The following DHX33 variants were observed in gnomAD, a reference collection of about 807,000 sequenced individuals.
DHX33 encodes the protein DEAH-box helicase 33.
In DHX33, 42 loss-of-function variants were observed where a neutral mutation model predicts 72.5. The ratio of observed to expected loss-of-function variants is 0.58; its 90% CI spans 0.45 to 0.75. DHX33 has a LOEUF of 0.75. Ranked by LOEUF, DHX33 falls within the 30% of genes least tolerant of loss-of-function variation. The pLI is 0.00. For synonymous variants in DHX33, 358 were observed against 366.1 expected, an observed-to-expected ratio of 0.98 and a Z score of 0.25; for missense variants, 842 against 917.5, an observed-to-expected ratio of 0.92 and a Z score of 1.06.
intron 11 of DHX33, among the ~76,000 whole-genome samples, chr17:5,446,474 G>T (rs1423338122): frequency 5.3e-5 from 8 of 151,996 alleles, no homozygotes; most frequent in Non-Finnish European, 2.9e-5. Flanking sequence ...AATAACAAAA[G>T]AATCAATCTT....
intron 11 of DHX33, among the ~76,000 whole-genome samples, chr17:5,447,658 T>C (rs1245824711): frequency 2.6e-5 from 4 of 151,908 alleles, no homozygotes; most frequent in African/African-American, 9.7e-5. Flanking sequence ...CACTTTGCGG[T>C]GGACACTTTG....
chr17:5,468,606 G>A lies in DHX33; in HGVS notation c.254C>T (p.Ala85Val), dbSNP rs541717329. The stretch of plus-strand genomic sequence containing the variant: ...CGCGTTGTCCAGGTTTCGGAGCTGG[G>A]CCAACAGTTGCCCCCGCGCTTGGAA... ...PIFQARGQLL[A>V]QLRNLDNAVL... The change falls in exon 1 of 12, where the codon GCC becomes GTC. Residue 85 changes from alanine to valine, a missense_variant. By Grantham distance (64) the Ala-to-Val change is moderately conservative. Transcript: ENST00000225296. 24 of 1,609,616 alleles carry A rather than the reference G, an allele frequency of 1.5e-5. No individual in the cohort carries two copies. Among genetic ancestry groups the A allele is most frequent in the South Asian group, 1.0e-4 (9 of 90,256 alleles).
At chr17:5,459,764 G>A (rs1284215741) in intron 4 of DHX33, among the ~76,000 whole-genome samples, 1 of 151,872 alleles carries the variant, frequency 6.6e-6, no homozygotes, top group African/African-American at 2.4e-5. Context: ...AAATATCAGA[G>A]TACCCTACAT....
chr17:5,456,057 AAGGACCAGCATCGC>A lies in DHX33; in HGVS notation c.961_974del (p.Ala321SerfsTer33). The A allele has an allele frequency of 6.2e-7, 1 of 1,613,532 alleles. No individual in the cohort carries two copies. The highest frequency in any genetic ancestry group is 8.5e-7 in the Non-Finnish European group (1 of 1,180,004). The stretch of plus-strand genomic sequence containing the variant: ...CATAGGGCAGGGAGGCGTACAGAGG[AAGGACCAGCATCGC>A]AGGGCAGCCGTCTGGGAGGTGCTTT... On this transcript the variant is annotated frameshift_variant, in exon 5 of 12. Transcript: ENST00000225296. LOFTEE classifies it high-confidence loss of function.
intron 1 of DHX33, 27 bp downstream of exon 1, chr17:5,468,544 G>C (rs1227320559): frequency 5.0e-6 from 8 of 1,598,662 alleles, no homozygotes; most frequent in Non-Finnish European, 4.3e-6. Context: ...GAAGTGCAAG[G>C]AAGAGCCCGC....
chr17:5,444,593 T>C lies in DHX33; in HGVS notation c.1816-80A>G, dbSNP rs1916573165. On this transcript the variant is annotated intron_variant, in intron 11 of 11. Transcript: ENST00000225296. This position sits in a 1 kb window ranked among gnomAD's most constrained non-coding sequence, Gnocchi z 4.9. Reference sequence around the variant, plus strand: ...GCACTACACAGCGTGTTGGGGCAACTGGACCCACTGGGGCAAAAGCAGCCC... The same window carrying C: ...GCACTACACAGCGTGTTGGGGCAACCGGACCCACTGGGGCAAAAGCAGCCC... The C allele has an allele frequency of 4.2e-6, 6 of 1,428,576 alleles. No homozygotes were observed. The highest frequency in any genetic ancestry group is 1.4e-5 in the African/African-American group (1 of 71,276). 88.5% of individuals were successfully genotyped at this position (1,428,576 alleles called of 1,614,324 possible).
In DHX33 at chr17:5,444,255, C is replaced by T. The variant is rs771542772; in HGVS notation, c.2074G>A (p.Glu692Lys). ...LCVIDAQWLY[E>K]AAPEYFRRKL... ...CTCCTAAAGTACTCAGGGGCAGCCTCGTACAGCCACTGTGCATCTATGACG... is the reference window on the plus strand; with the variant it reads ...CTCCTAAAGTACTCAGGGGCAGCCTTGTACAGCCACTGTGCATCTATGACG... The change falls in exon 12 of 12, where the codon GAG becomes AAG. Residue 692 changes from glutamate to lysine, a missense_variant. Transcript: ENST00000225296. The surrounding 1 kb of genome is among the most constrained non-coding windows in gnomAD (Gnocchi z 4.9). The T allele has an allele frequency of 1.2e-5, 20 of 1,614,224 alleles. No homozygotes were observed. In the East Asian group the frequency reaches 2.5e-4, roughly 20 times the overall value.
At position 5,462,436 on chromosome 17, in the gene DHX33, T is replaced by C. The variant is rs2151691498; in HGVS notation, c.561A>G (p.Lys187=). ...CTTCATCCAAAATGACACAGCTGTA[T>C]TTCCGAAGCAAAGAGTCTGAAATTG... ...REAISDSLLR[K]YSCVILDEAH... Residue 187 remains lysine, a synonymous_variant, in exon 3 of 12, where the codon AAA becomes AAG. Transcript: ENST00000225296. 3 of 1,614,248 alleles carry C rather than the reference T, an allele frequency of 1.9e-6. No individual in the cohort carries two copies. Among genetic ancestry groups the C allele is most frequent in the African/African-American group, 1.3e-5 (1 of 75,074 alleles).
Position 5,444,727 on chromosome 17 carries a change from A to G in DHX33, c.1816-214T>C, listed in dbSNP as rs1916579260. ...GGAGGAGCACGGACCAGAAACAGGG[A>G]AACTACCGCCTGTGAAGGTAGGGCT... On this transcript the variant is annotated intron_variant, in intron 11 of 11. Transcript: ENST00000225296. The surrounding 1 kb of genome is among the most constrained non-coding windows in gnomAD (Gnocchi z 4.9). Among the ~76,000 whole-genome samples, 2 of 152,252 alleles carry G rather than the reference A, an allele frequency of 1.3e-5. No homozygotes were observed. Among genetic ancestry groups the G allele is most frequent in the African/African-American group, 4.8e-5 (2 of 41,552 alleles).
rs1597357166 is a variant in DHX33, at chr17:5,450,535, G to A, written c.1525-129C>T. On this transcript the variant is annotated intron_variant, in intron 9 of 11. Coordinates refer to ENST00000225296, the MANE Select transcript of DHX33 (RefSeq NM_020162.4). Reference sequence around the variant, plus strand: ...GGGCAGGTATTTCTAAAACCATGGCGATGTACATTAGTGTTATTTCACTCT... The same window carrying A: ...GGGCAGGTATTTCTAAAACCATGGCAATGTACATTAGTGTTATTTCACTCT... 3.9e-6 allele frequency: 4 copies of A among 1,031,456 alleles called. No individual in the cohort carries two copies. The South Asian group carries it at 6.3e-5, about 16-fold the overall frequency. 63.9% of individuals were successfully genotyped at this position (1,031,456 alleles called of 1,614,324 possible). A position where few individuals can be genotyped will look rare whatever the true frequency, so the allele number is the denominator to read the frequency against.
chr17:5,463,815 G>T, intron 1 of DHX33, 126 bp from the exon 2 acceptor site: 1 of 884,596 alleles, frequency 1.1e-6, no homozygotes, highest in Non-Finnish European at 1.6e-6. Flanking sequence ...GAGCCCAGGA[G>T]TTCAAAATCA....
At chr17:5,461,936 CTTTTTT>C (rs35332211) in intron 3 of DHX33, among the ~76,000 whole-genome samples, 2 of 113,698 alleles carry the variant, frequency 1.8e-5, no homozygotes, top group Admixed American at 9.1e-5. Context: ...TGAACTTTCA[CTTTTTT>C]TTTTTTTTTT....
Position 5,453,837 on chromosome 17 carries a change from C to T in DHX33, c.1291G>A (p.Val431Met), listed in dbSNP as rs143592214. Residue 431 changes from valine to methionine, a missense_variant, in exon 7 of 12, where the codon GTG becomes ATG. By Grantham distance (21) the Val-to-Met change is conservative. Transcript: ENST00000225296. Reference protein sequence around the residue: ...DEFEKFDKMTVPEIQRCNLAS... With the variant: ...DEFEKFDKMTMPEIQRCNLAS... The stretch of plus-strand genomic sequence containing the variant: ...GGTGCCTACCTCTGGATCTCTGGCA[C>T]GGTCATCTTATCAAACTTCTCAAAC... 1.4e-4 allele frequency: 222 copies of T among 1,613,918 alleles called. No homozygotes were observed. The highest frequency in any genetic ancestry group is 5.2e-4 in the Admixed American group (31 of 60,012).
In DHX33 at chr17:5,441,588, C is replaced by T. The variant is rs773658698; in HGVS notation, c.*2617G>A. 1.1e-4 allele frequency: 17 copies of T among 152,146 alleles called. No homozygotes were observed. Among genetic ancestry groups the T allele is most frequent in the Non-Finnish European group, 1.8e-4 (12 of 68,040 alleles). The allele number at this position is 152,146 out of a possible 1,614,324, so 9.4% of individuals were successfully genotyped here. ...GTTTAAAGTGTACTATCTCCTGCAGCTCAATATAAACAACGATGTATTTCT... is the reference window on the plus strand; with the variant it reads ...GTTTAAAGTGTACTATCTCCTGCAGTTCAATATAAACAACGATGTATTTCT... On this transcript the variant is annotated 3_prime_UTR_variant, in exon 12 of 12. Coordinates refer to ENST00000225296, the MANE Select transcript of DHX33 (RefSeq NM_020162.4).
intron 11 of DHX33, among the ~76,000 whole-genome samples, chr17:5,448,050 A>C (rs1436683856): frequency 6.6e-6 from 1 of 152,124 alleles, no homozygotes; most frequent in African/African-American, 2.4e-5. Context: ...GTGGTGACGC[A>C]CGCCTGTAAT....
intron 8 of DHX33, 81 bp downstream of exon 8, chr17:5,453,499 A>T: frequency 9.1e-7 from 1 of 1,104,110 alleles, no homozygotes; most frequent in Non-Finnish European, 1.4e-6. Context: ...GATGACCAAT[A>T]TACTTTATTT....
At chr17:5,450,175 T>A in intron 10 of DHX33, 28 bp downstream of exon 10, 1 of 1,613,064 alleles carries the variant, frequency 6.2e-7, no homozygotes, top group African/African-American at 1.3e-5. Context: ...CAGCTATCGC[T>A]GGAGAACAGG....
intron 1 of DHX33, among the ~76,000 whole-genome samples, chr17:5,467,079 T>TA (rs1218680058): frequency 1.3e-5 from 2 of 152,080 alleles, no homozygotes; most frequent in African/African-American, 2.4e-5. Context: ...AAAGCGCTGC[T>TA]AAAAAACGTA....
Position 5,444,121 on chromosome 17 carries a change from A to C in DHX33, c.*84T>G, listed in dbSNP as rs866851701. 36 of 1,488,104 alleles carry C rather than the reference A, an allele frequency of 2.4e-5. No individual in the cohort carries two copies. In the Middle Eastern group the frequency reaches 1.7e-3, roughly 70 times the overall value. 92.2% of individuals were successfully genotyped at this position (1,488,104 alleles called of 1,614,324 possible). A position where few individuals can be genotyped will look rare whatever the true frequency, so the allele number is the denominator to read the frequency against. On this transcript the variant is annotated 3_prime_UTR_variant, in exon 12 of 12. Transcript: ENST00000225296. This position sits in a 1 kb window ranked among gnomAD's most constrained non-coding sequence, Gnocchi z 4.9. ...TTCAGCTGATTCCAAGGCTTCTCTAAGCGCCAACCTGGAAGCCTGCTGTAA... is the reference window on the plus strand; with the variant it reads ...TTCAGCTGATTCCAAGGCTTCTCTACGCGCCAACCTGGAAGCCTGCTGTAA...
Sources: gnomAD v4.1 joint callset for allele counts (sites outside exome capture counted in the v4.1 genomes callset) on GRCh38, gnomAD v4.1.1 for gene constraint, Gnocchi (gnomAD v3.1) non-coding constraint, MANE v1.5 for transcripts, NCBI Gene and HGNC (gene_info 2026-07-23, HGNC 2026-07-21) for gene names.